Variants in ATP10A observed in about 807,000 individuals in gnomAD.
ATP10A encodes the protein ATPase phospholipid transporting 10A (putative).
ATP10A carries 111 observed loss-of-function variants against 147.8 expected under a neutral mutation model. The ratio of observed to expected loss-of-function variants is 0.75; its 90% CI spans 0.64 to 0.88. ATP10A has a LOEUF of 0.88. ATP10A is among the 40% of genes least tolerant of loss of function. The probability of loss-of-function intolerance (pLI) is 0.00; values close to 1 mark genes in which losing one functional copy is unlikely to be tolerated. For missense variants in ATP10A, 1,927 were observed against 1,959.0 expected, an observed-to-expected ratio of 0.98 and a Z score of 0.31; for synonymous variants, 875 against 841.6, an observed-to-expected ratio of 1.04 and a Z score of -0.69.
intron 1 of ATP10A, among the ~76,000 whole-genome samples, chr15:25,854,669 A>G (rs1413825879): frequency 6.6e-6 from 1 of 152,212 alleles, no homozygotes; most frequent in Non-Finnish European, 1.5e-5. Context: ...CTCCGCACAA[A>G]GAAAAGCCCA....
intron 2 of ATP10A, among the ~76,000 whole-genome samples, chr15:25,738,267 G>GC (rs35608393): frequency 6.6e-6 from 1 of 152,066 alleles, no homozygotes; most frequent in Admixed American, 6.6e-5. Flanking sequence ...TTGTCAACCT[G>GC]CCCCCTGGAG....
At chr15:25,783,415 A>G (rs1479473978) in intron 1 of ATP10A, among the ~76,000 whole-genome samples, 2 of 152,044 alleles carry the variant, frequency 1.3e-5, no homozygotes. Context: ...GAGTTTGCAG[A>G]GCTAGGAAGC....
chr15:25,732,558 C>CTTTTTTTTTTT (rs36120691), intron 3 of ATP10A, among the ~76,000 whole-genome samples: 1,084 of 84,090 alleles, frequency 0.013, 64 homozygotes, highest in Middle Eastern at 0.016. Context: ...GCGACACCTT[C>CTTTTTTTTTTT]TTTTTTTTTT....
At chr15:25,860,549 C>T (rs1434116409) in intron 1 of ATP10A, among the ~76,000 whole-genome samples, 1 of 152,156 alleles carries the variant, frequency 6.6e-6, no homozygotes, top group Non-Finnish European at 1.5e-5. Context: ...GGGCATTGCG[C>T]CCACTGTCCT....
intron 1 of ATP10A, among the ~76,000 whole-genome samples, chr15:25,824,919 G>A (rs1284596295): frequency 6.6e-6 from 1 of 152,040 alleles, no homozygotes; most frequent in African/African-American, 2.4e-5. Flanking sequence ...CCAGTGCTTT[G>A]GAAGGCTAAG....
At chr15:25,832,066 C>CT (rs1412140006) in intron 1 of ATP10A, among the ~76,000 whole-genome samples, 1 of 152,106 alleles carries the variant, frequency 6.6e-6, no homozygotes, top group East Asian at 1.9e-4. Context: ...AACAGAGACA[C>CT]AGAGACTCAT....
chr15:25,734,682 T>C (rs886917734), intron 3 of ATP10A, among the ~76,000 whole-genome samples: 2 of 152,192 alleles, frequency 1.3e-5, no homozygotes, highest in African/African-American at 2.4e-5. Flanking sequence ...CATTTTGTTG[T>C]TGAGTTTTAC....
intron 2 of ATP10A, among the ~76,000 whole-genome samples, chr15:25,778,896 A>G (rs1889756747): frequency 6.6e-6 from 1 of 152,094 alleles, no homozygotes; most frequent in Admixed American, 6.6e-5. Context: ...ATTTTTTTTG[A>G]GATGGAGTCT....
At position 25,751,225 on chromosome 15, in the gene ATP10A, A is replaced by G. The variant is rs143405930; in HGVS notation, c.655-15084T>C. On this transcript the variant is annotated intron_variant, in intron 2 of 20. Transcript: ENST00000555815. Reference sequence around the variant, plus strand: ...GCAGAGAATATTGCCAGGGATTTATAAAAGGGCCAAAATGCCCCTGACAAC... The same window carrying G: ...GCAGAGAATATTGCCAGGGATTTATGAAAGGGCCAAAATGCCCCTGACAAC... 3.3e-3 allele frequency among the ~76,000 whole-genome samples: 507 copies of G among 152,242 alleles called. 4 individuals are homozygous for G. Among genetic ancestry groups the G allele is most frequent in the African/African-American group, 0.012 (495 of 41,580 alleles).
In ATP10A at chr15:25,679,653, A is replaced by G. The variant is rs1017220322; in HGVS notation, c.4188T>C (p.Ser1396=). ...EGLSAPAPMS[S]APGEAVLRSP... ...TCCTCAGGACAGCCTCCCCTGGCGC[A>G]GAGGACATGGGGGCCGGTGCGCTCA... Residue 1396 remains serine, a synonymous_variant, in exon 21 of 21, where the codon TCT becomes TCC. Coordinates refer to ENST00000555815, the MANE Select transcript of ATP10A (RefSeq NM_024490.4). 2 of 1,613,238 alleles carry G rather than the reference A, an allele frequency of 1.2e-6. No individual in the cohort carries two copies. Among genetic ancestry groups the G allele is most frequent in the African/African-American group, 2.7e-5 (2 of 74,926 alleles).
chr15:25,794,439 T>A (rs1343584210), intron 1 of ATP10A, among the ~76,000 whole-genome samples: 4 of 152,026 alleles, frequency 2.6e-5, no homozygotes, highest in African/African-American at 4.8e-5. Flanking sequence ...ACTGCAAATA[T>A]CCCTAAATTG....
intron 2 of ATP10A, among the ~76,000 whole-genome samples, chr15:25,772,667 G>A (rs1218460652): frequency 6.6e-6 from 1 of 152,196 alleles, no homozygotes; most frequent in Middle Eastern, 3.2e-3. Context: ...TGCCAGTGCG[G>A]CAAAGGTCAG....
At chr15:25,859,285 T>G (rs903602065) in intron 1 of ATP10A, among the ~76,000 whole-genome samples, 3 of 152,292 alleles carry the variant, frequency 2.0e-5, no homozygotes, top group Admixed American at 1.3e-4. Flanking sequence ...GGACACTCAG[T>G]GTTGGAGACC....
chr15:25,825,385 T>C (rs945704050), intron 1 of ATP10A, among the ~76,000 whole-genome samples: 3 of 152,004 alleles, frequency 2.0e-5, no homozygotes, highest in Admixed American at 2.0e-4. Context: ...CACCCATGTG[T>C]AGGAATATAA....
At chr15:25,777,779 T>TC (rs1209604236) in intron 2 of ATP10A, among the ~76,000 whole-genome samples, 2 of 28,834 alleles carry the variant, frequency 6.9e-5, no homozygotes, top group Non-Finnish European at 6.8e-5. Flanking sequence ...TTTTTCTTTC[T>TC]TTCTTTTTTT....
rs751100810 is a variant in ATP10A at position 25,714,212 on chromosome 15, C to T, written c.1806G>A (p.Pro602=). 1.8e-5 allele frequency: 29 copies of T among 1,601,144 alleles called. No individual in the cohort carries two copies. Among genetic ancestry groups the T allele is most frequent in the East Asian group, 1.8e-4 (8 of 44,856 alleles). ...KVRVRFELKS[P]VKTIEDFLRR... is the part of the protein sequence containing the mutation. ...GCAGGAAGTCTTCTATCGTCTTCAC[C>T]GGGGACTTCAGCTCAAACCTCACCC... The change falls in exon 10 of 21, where the codon CCG becomes CCA. Residue 602 remains proline, a synonymous_variant. Coordinates refer to ENST00000555815, the MANE Select transcript of ATP10A (RefSeq NM_024490.4).
At chr15:25,758,790 G>A (rs76031539) in intron 2 of ATP10A, among the ~76,000 whole-genome samples, 1 of 115,204 alleles carries the variant, frequency 8.7e-6, no homozygotes, top group Non-Finnish European at 1.7e-5. Flanking sequence ...AACTCATTCC[G>A]ACCACCTGCT....
intron 2 of ATP10A, among the ~76,000 whole-genome samples, chr15:25,747,164 T>G (rs975421568): frequency 3.3e-5 from 5 of 151,900 alleles, no homozygotes; most frequent in Non-Finnish European, 7.4e-5. Flanking sequence ...TGTGGGCTCC[T>G]GTAATCCCAG....
At chr15:25,680,020 G>T (rs1567294268) in intron 20 of ATP10A, 46 bp from the exon 21 acceptor site, 2 of 1,581,534 alleles carry the variant, frequency 1.3e-6, no homozygotes, top group Admixed American at 3.5e-5. Flanking sequence ...TCCTGTCGGT[G>T]GTGTCTTTGA....
Sources: allele counts gnomAD v4.1 joint callset (sites outside exome capture counted in the v4.1 genomes callset), GRCh38; gene constraint gnomAD v4.1.1; transcripts MANE v1.5; gene names NCBI Gene and HGNC (gene_info 2026-07-23, HGNC 2026-07-21).